The following COL23A1 variants were observed in gnomAD, a reference collection of about 807,000 sequenced individuals.
The protein encoded by COL23A1 is collagen alpha-1(XXIII) chain.
Under a neutral mutation model 99.3 loss-of-function variants are expected in COL23A1, and 97 were observed. That is an observed-to-expected ratio of 0.98 (90% CI 0.83 to 1.16). The LOEUF is 1.16. Ranked by LOEUF, COL23A1 falls within the 50% of genes most tolerant of loss-of-function variation. The pLI, the probability that COL23A1 is intolerant of heterozygous loss-of-function variation, is 0.00. For synonymous variants in COL23A1, 320 were observed against 308.2 expected (o/e 1.04, Z -0.40); for missense variants, 762 against 757.4 (o/e 1.01, Z -0.07).
chr5:178,493,034 T>C lies in COL23A1; in HGVS notation c.361+67648A>G, dbSNP rs185369768. Among the ~76,000 whole-genome samples, 10 of 152,314 alleles carry C rather than the reference T, an allele frequency of 6.6e-5. No individual in the cohort carries two copies. In the East Asian group the frequency reaches 1.9e-3, roughly 29 times the overall value. On this transcript the variant is annotated intron_variant, in intron 2 of 28. Transcript: ENST00000390654. Reference sequence around the variant, plus strand: ...TGTTAAGGAAAGCTTTAGTTGTTGGTTGACTGTTGGTCTCTCACCCTTTAA... The same window carrying C: ...TGTTAAGGAAAGCTTTAGTTGTTGGCTGACTGTTGGTCTCTCACCCTTTAA...
rs1015294524 is a variant in COL23A1 at position 178,578,086 on chromosome 5, CACAT to C, written c.294+11814_294+11817del. Among the ~76,000 whole-genome samples, 475 of 151,642 alleles carry C rather than the reference CACAT, an allele frequency of 3.1e-3. 3 individuals are homozygous for C. Among genetic ancestry groups the C allele is most frequent in the African/African-American group, 0.011 (454 of 41,128 alleles). On this transcript the variant is annotated intron_variant, in intron 1 of 28. Transcript: ENST00000390654. ...ATGCACACACACACTCATGCACACA[CACAT>C]GCATGCACACGCCCACATGCACACA...
intron 2 of COL23A1, among the ~76,000 whole-genome samples, chr5:178,496,407 T>C (rs967311472): frequency 6.6e-6 from 1 of 152,170 alleles, no homozygotes; most frequent in Non-Finnish European, 1.5e-5. Flanking sequence ...AAGGAATGCC[T>C]TCTTGTTCTA....
intron 2 of COL23A1, among the ~76,000 whole-genome samples, chr5:178,327,386 CGGAAAACACCTAT>C (rs1195290542): frequency 6.6e-6 from 1 of 152,154 alleles, no homozygotes; most frequent in Non-Finnish European, 1.5e-5. Context: ...GAAGGGGCTA[CGGAAAACACCTAT>C]GGAAAACCTG....
chr5:178,338,599 G>GT (rs1467647263), intron 2 of COL23A1, among the ~76,000 whole-genome samples: 29 of 151,794 alleles, frequency 1.9e-4, no homozygotes, highest in African/African-American at 6.3e-4. Context: ...CCAGCACCGG[G>GT]AATGGGGTAG....
intron 14 of COL23A1, 115 bp downstream of exon 14, chr5:178,256,750 AG>A: frequency 9.9e-7 from 1 of 1,009,652 alleles, no homozygotes; most frequent in Non-Finnish European, 1.5e-6. Flanking sequence ...CCCCTGGGTC[AG>A]GCCCTCCTGG....
At chr5:178,556,823 G>C (rs1421180166) in intron 2 of COL23A1, among the ~76,000 whole-genome samples, 1 of 151,288 alleles carries the variant, frequency 6.6e-6, no homozygotes, top group African/African-American at 2.4e-5. Context: ...CATGGTGATG[G>C]GAGCCTGTAA....
At chr5:178,523,239 CAGAGAG>C (rs1164498814) in intron 2 of COL23A1, among the ~76,000 whole-genome samples, 1 of 66,214 alleles carries the variant, frequency 1.5e-5, no homozygotes, top group African/African-American at 5.3e-5. Context: ...GAGGGAGAGA[CAGAGAG>C]AGAGAGAGAG....
chr5:178,377,847 C>G (rs368219430), intron 2 of COL23A1: 11 of 152,374 alleles, frequency 7.2e-5, no homozygotes, highest in African/African-American at 2.4e-4. Context: ...CTGGGGCCCA[C>G]GACACACGGT....
In COL23A1 at chr5:178,491,613, G is replaced by A. The variant is rs183377036; in HGVS notation, c.361+69069C>T. ...TAACAGGGTGTGGCCTGGGACAGGA[G>A]CACAAGCAGAGAGCGGACCACAGAG... On this transcript the variant is annotated intron_variant, in intron 2 of 28. Coordinates refer to ENST00000390654, the MANE Select transcript of COL23A1 (RefSeq NM_173465.4). 6.0e-4 allele frequency among the ~76,000 whole-genome samples: 91 copies of A among 152,258 alleles called. No homozygotes were observed. In the Middle Eastern group the frequency reaches 0.01, roughly 17 times the overall value.
At chr5:178,325,320 T>G (rs921478958) in intron 2 of COL23A1, among the ~76,000 whole-genome samples, 1 of 152,162 alleles carries the variant, frequency 6.6e-6, no homozygotes, top group African/African-American at 2.4e-5. Flanking sequence ...CCCGCTGTCT[T>G]TGGGACAGCG....
intron 2 of COL23A1, among the ~76,000 whole-genome samples, chr5:178,470,585 A>T (rs1756688128): frequency 1.3e-5 from 2 of 152,178 alleles, no homozygotes; most frequent in South Asian, 4.1e-4. Context: ...GTGAGAGAGA[A>T]CACAGAGGTG....
At chr5:178,435,849 A>G (rs771204444) in intron 2 of COL23A1, among the ~76,000 whole-genome samples, 2 of 152,204 alleles carry the variant, frequency 1.3e-5, no homozygotes, top group Non-Finnish European at 2.9e-5. Context: ...GACGCGCAGA[A>G]TCGTCTAACA....
chr5:178,458,117 C>T (rs1755895486), intron 2 of COL23A1, among the ~76,000 whole-genome samples: 3 of 3,108 alleles, frequency 9.7e-4, no homozygotes, highest in African/African-American at 4.7e-3. Context: ...AAGCTCCCAC[C>T]GTCCAAAGAT....
chr5:178,324,074 G>A (rs556409010), intron 2 of COL23A1, among the ~76,000 whole-genome samples: 4 of 152,132 alleles, frequency 2.6e-5, no homozygotes, highest in Admixed American at 2.6e-4. Flanking sequence ...GGGCGGCCCT[G>A]GACACAAGCA....
At chr5:178,314,399 A>G (rs749528530) in intron 2 of COL23A1, among the ~76,000 whole-genome samples, 7 of 152,166 alleles carry the variant, frequency 4.6e-5, no homozygotes, top group South Asian at 2.1e-4. Flanking sequence ...TGTTTGGAAC[A>G]ACGGTTACTG....
intron 2 of COL23A1, among the ~76,000 whole-genome samples, chr5:178,383,647 G>A (rs1426420568): frequency 1.3e-5 from 2 of 152,200 alleles, no homozygotes; most frequent in African/African-American, 4.8e-5. Context: ...AGGACTTTTC[G>A]TGGGAACCTG....
chr5:178,471,450 G>A (rs1756745260), intron 2 of COL23A1, among the ~76,000 whole-genome samples: 3 of 152,086 alleles, frequency 2.0e-5, no homozygotes, highest in South Asian at 2.1e-4. Flanking sequence ...TGTTGGCCAG[G>A]TTGGTCTTGA....
In COL23A1 at chr5:178,537,580, CG is replaced by C. The variant is rs1020884562; in HGVS notation, c.361+23101del. ...CTCCCCACTCAGCAGACATGAGGGC[CG>C]GACCTGTCCCTCTCTTGTCTGGGTG... On this transcript the variant is annotated intron_variant, in intron 2 of 28. Transcript: ENST00000390654. Among the ~76,000 whole-genome samples, 14 of 152,174 alleles carry C rather than the reference CG, an allele frequency of 9.2e-5. 1 individual carries two copies. The highest frequency in any genetic ancestry group is 1.8e-4 in the Non-Finnish European group (12 of 68,018).
At chr5:178,444,593 G>A (rs542621982) in intron 2 of COL23A1, among the ~76,000 whole-genome samples, 3 of 152,100 alleles carry the variant, frequency 2.0e-5, no homozygotes, top group South Asian at 4.2e-4. Flanking sequence ...TCAGGAGTTC[G>A]AAACCAGCCT....
Sources: allele counts gnomAD v4.1 joint callset (sites outside exome capture counted in the v4.1 genomes callset), GRCh38; gene constraint gnomAD v4.1.1; transcripts MANE v1.5; gene names NCBI Gene and HGNC (gene_info 2026-07-23, HGNC 2026-07-21).